The following ZNF618 variants were observed in gnomAD, a reference collection of about 807,000 sequenced individuals.
ZNF618 encodes the protein zinc finger protein 618, also known as neural precursor cell expressed, developmentally down-regulated 10.
ZNF618 carries 34 observed loss-of-function variants against 103.0 expected under a neutral mutation model. The ratio of observed to expected loss-of-function variants is 0.33; its 90% confidence interval spans 0.25 to 0.44. ZNF618 has a LOEUF of 0.44. Ranked by LOEUF, ZNF618 falls within the 20% of genes least tolerant of loss-of-function variation. The pLI, the probability that ZNF618 is intolerant of heterozygous loss-of-function variation, is 1.00. For synonymous variants in ZNF618, 551 were observed against 542.2 expected (o/e 1.02, Z -0.23); for missense variants, 1,059 against 1,295.4 (o/e 0.82, Z 2.80).
chr9:113,884,700 T>C (rs1019738955), intron 1 of ZNF618, among the ~76,000 whole-genome samples: 6 of 151,616 alleles, frequency 4.0e-5, no homozygotes, highest in Non-Finnish European at 8.8e-5. Flanking sequence ...TTGTCCTTCC[T>C]TATCGACACA....
intron 6 of ZNF618, 93 bp downstream of exon 6, chr9:114,002,755 C>G (rs1437067687): frequency 1.4e-6 from 2 of 1,439,690 alleles, no homozygotes; most frequent in Non-Finnish European, 1.9e-6. Flanking sequence ...AGAACTGCTC[C>G]AGGTGGCCTC....
intron 2 of ZNF618, among the ~76,000 whole-genome samples, chr9:113,974,068 G>A (rs1838256452): frequency 6.6e-6 from 1 of 152,230 alleles, no homozygotes; most frequent in Non-Finnish European, 1.5e-5. Flanking sequence ...GAAACAGACA[G>A]GAATCCCTGC....
intron 1 of ZNF618, among the ~76,000 whole-genome samples, chr9:113,962,848 T>C (rs1229422679): frequency 6.6e-6 from 1 of 152,196 alleles, no homozygotes; most frequent in Non-Finnish European, 1.5e-5. Context: ...CTTTCAAGCA[T>C]GCTATATGTT....
At chr9:114,040,637 A>G (rs867745833) in intron 13 of ZNF618, among the ~76,000 whole-genome samples, 5 of 152,316 alleles carry the variant, frequency 3.3e-5, no homozygotes, top group Non-Finnish European at 4.4e-5. Flanking sequence ...AGCTTCATCC[A>G]TGTCCCTACA....
chr9:113,915,227 C>T (rs762104398), intron 1 of ZNF618, among the ~76,000 whole-genome samples: 14 of 152,188 alleles, frequency 9.2e-5, no homozygotes, highest in Admixed American at 5.2e-4. Context: ...TGCTTTCTAG[C>T]CACCAGCCAG....
intron 12 of ZNF618, among the ~76,000 whole-genome samples, chr9:114,033,560 G>C (rs1166175285): frequency 1.3e-5 from 2 of 152,146 alleles, no homozygotes; most frequent in African/African-American, 4.8e-5. Context: ...CCTGACGCCT[G>C]CCTCTTCCAG....
intron 11 of ZNF618, among the ~76,000 whole-genome samples, chr9:114,030,573 C>G (rs1245879058): frequency 6.6e-6 from 1 of 152,162 alleles, no homozygotes; most frequent in Non-Finnish European, 1.5e-5. Context: ...CTCAGGCTGC[C>G]TTCATGTGCC....
At chr9:113,932,789 G>A (rs1023631291) in intron 1 of ZNF618, among the ~76,000 whole-genome samples, 1 of 152,134 alleles carries the variant, frequency 6.6e-6, no homozygotes, top group African/African-American at 2.4e-5. Flanking sequence ...TGGAATGGGA[G>A]CCATTAGGTG....
chr9:113,967,595 T>G (rs546736453), intron 1 of ZNF618, among the ~76,000 whole-genome samples: 2 of 152,302 alleles, frequency 1.3e-5, no homozygotes, highest in East Asian at 3.9e-4. Flanking sequence ...AGACCTGAGC[T>G]TATAGCTGTG....
intron 3 of ZNF618, among the ~76,000 whole-genome samples, chr9:113,992,788 C>G (rs56233226): frequency 0.028 from 4,258 of 152,286 alleles, 87 homozygotes; most frequent in Non-Finnish European, 0.039. Flanking sequence ...GAGCCCGGGT[C>G]ATGGACACAC....
chr9:113,974,275 C>A (rs983747945), intron 2 of ZNF618, among the ~76,000 whole-genome samples: 1 of 152,096 alleles, frequency 6.6e-6, no homozygotes, highest in Non-Finnish European at 1.5e-5. Context: ...TTGTGGGGGC[C>A]GAAGCAGGCA....
chr9:113,925,809 C>T (rs1321482156), intron 1 of ZNF618, among the ~76,000 whole-genome samples: 1 of 152,170 alleles, frequency 6.6e-6, no homozygotes, highest in Non-Finnish European at 1.5e-5. Flanking sequence ...TCCCTCCCTT[C>T]CCTTATAACA....
chr9:114,032,597 G>T (rs1172004534), intron 11 of ZNF618, 48 bp from the exon 12 acceptor site: 1 of 1,580,880 alleles, frequency 6.3e-7, no homozygotes, highest in Non-Finnish European at 8.7e-7. Context: ...GAGACCTAGT[G>T]CTGACCAATC....
chr9:114,048,955 C>T lies in ZNF618; in HGVS notation c.1653C>T (p.Val551=). The T allele has an allele frequency of 6.2e-7, 1 of 1,610,638 alleles. No homozygotes were observed. Among genetic ancestry groups the T allele is most frequent in the South Asian group, 1.1e-5 (1 of 90,598 alleles). The change falls in exon 15 of 15, where the codon GTC becomes GTT. Residue 551 remains valine, a synonymous_variant. Coordinates refer to ENST00000374126, the MANE Select transcript of ZNF618 (RefSeq NM_001318042.2). ...LGSNACLGIG[V]TCHSQSVGPD... ...GCAATGCCTGCCTAGGCATCGGTGT[C>T]ACCTGCCACTCCCAGAGTGTTGGCC... is the stretch of plus-strand genomic sequence containing the variant.
At chr9:113,975,017 T>C (rs1588205546) in intron 2 of ZNF618, among the ~76,000 whole-genome samples, 1 of 152,186 alleles carries the variant, frequency 6.6e-6, no homozygotes, top group Non-Finnish European at 1.5e-5. Context: ...AATTCCTAGT[T>C]CAAAGCAGGT....
At chr9:113,971,974 A>G (rs577639601) in intron 2 of ZNF618, among the ~76,000 whole-genome samples, 3 of 152,332 alleles carry the variant, frequency 2.0e-5, no homozygotes, top group Admixed American at 2.0e-4. Flanking sequence ...CAGACTTTCT[A>G]ATAGTAAAGA....
chr9:113,895,513 G>T (rs1337390136), intron 1 of ZNF618, among the ~76,000 whole-genome samples: 1 of 152,026 alleles, frequency 6.6e-6, no homozygotes, highest in Non-Finnish European at 1.5e-5. Context: ...TTTATTTTTA[G>T]TGTGCTGTTT....
intron 1 of ZNF618, among the ~76,000 whole-genome samples, chr9:113,892,014 T>C (rs1472151085): frequency 2.0e-5 from 3 of 152,036 alleles, no homozygotes; most frequent in South Asian, 2.1e-4. Flanking sequence ...ATAAGAGAAA[T>C]TGAAGTCAAA....
At chr9:113,946,738 T>C (rs184790072) in intron 1 of ZNF618, among the ~76,000 whole-genome samples, 2 of 152,228 alleles carry the variant, frequency 1.3e-5, no homozygotes, top group East Asian at 1.9e-4. Context: ...CGGGAGTGTG[T>C]GTGTTTATGT....
Sources: gnomAD v4.1 joint callset for allele counts (sites outside exome capture counted in the v4.1 genomes callset) on GRCh38, gnomAD v4.1.1 for gene constraint, MANE v1.5 for transcripts, NCBI Gene and HGNC (gene_info 2026-07-23, HGNC 2026-07-21) for gene names.